The following RPAP2 variants were observed in gnomAD, a reference collection of about 807,000 sequenced individuals.
RPAP2 encodes the protein putative RNA polymerase II subunit B1 CTD phosphatase RPAP2.
In RPAP2, 52 loss-of-function variants were observed where a neutral mutation model predicts 73.1. The ratio of observed to expected loss-of-function variants is 0.71; its 90% confidence interval spans 0.57 to 0.90. The LOEUF (loss-of-function observed/expected upper bound fraction) is 0.90, where lower values mean the gene tolerates loss of function less well. Ranked by LOEUF, RPAP2 falls within the 40% of genes least tolerant of loss-of-function variation. The pLI is 0.00. For synonymous variants in RPAP2, 225 were observed against 242.1 expected (o/e 0.93, Z 0.65); for missense variants, 598 against 701.8 (o/e 0.85, Z 1.67).
At chr1:92,336,872 T>C (rs1376088056) in intron 10 of RPAP2, among the ~76,000 whole-genome samples, 2 of 152,092 alleles carry the variant, frequency 1.3e-5, no homozygotes, top group Non-Finnish European at 1.5e-5. Context: ...CAATTTAATA[T>C]TGAATTACAC....
intron 11 of RPAP2, among the ~76,000 whole-genome samples, chr1:92,373,670 C>T (rs1486129641): frequency 2.2e-5 from 3 of 137,224 alleles, no homozygotes; most frequent in Admixed American, 8.3e-5. Flanking sequence ...CCAGGGCAGG[C>T]GGATCACCTG....
At chr1:92,370,832 A>G (rs897535926) in intron 11 of RPAP2, among the ~76,000 whole-genome samples, 2 of 152,118 alleles carry the variant, frequency 1.3e-5, no homozygotes, top group Admixed American at 6.6e-5. Flanking sequence ...ATTCTCATTT[A>G]CCTAAAAAAA....
intron 6 of RPAP2, among the ~76,000 whole-genome samples, chr1:92,316,912 G>A (rs1247735489): frequency 2.0e-5 from 3 of 152,190 alleles, no homozygotes; most frequent in Non-Finnish European, 4.4e-5. Context: ...GATTGGGGAT[G>A]AGGGAAGGTA....
chr1:92,385,519 T>C (rs151127030), intron 12 of RPAP2, among the ~76,000 whole-genome samples: 110 of 152,322 alleles, frequency 7.2e-4, no homozygotes, highest in African/African-American at 2.5e-3. Flanking sequence ...GAAATGAAGA[T>C]GGTTGTGAGT....
chr1:92,384,694 C>A (rs185292479), intron 12 of RPAP2, among the ~76,000 whole-genome samples: 75 of 151,782 alleles, frequency 4.9e-4, no homozygotes, highest in South Asian at 8.3e-4. Flanking sequence ...TTCAAGTGAT[C>A]CTGCTACTCT....
chr1:92,302,780 T>G (rs1650956053), intron 3 of RPAP2, among the ~76,000 whole-genome samples: 1 of 151,818 alleles, frequency 6.6e-6, no homozygotes, highest in Non-Finnish European at 1.5e-5. Flanking sequence ...TTTTGTATTT[T>G]TAGTAGAGAT....
chr1:92,387,690 G>T lies in RPAP2; in HGVS notation c.*679G>T, dbSNP rs1655914135. The T allele has an allele frequency of 6.6e-6, 1 of 152,108 alleles. No individual in the cohort carries two copies. The highest frequency in any genetic ancestry group is 2.4e-5 in the African/African-American group (1 of 41,394). The allele number at this position is 152,108 out of a possible 1,614,324, so 9.4% of individuals were successfully genotyped here. On this transcript the variant is annotated 3_prime_UTR_variant, in exon 13 of 13. Transcript: ENST00000610020. ...ACTGGAAGGCCAAGAAAATACTCTTGGACACTGGAGGAAATGACAGCTACT... is the reference window on the plus strand; with the variant it reads ...ACTGGAAGGCCAAGAAAATACTCTTTGACACTGGAGGAAATGACAGCTACT...
In RPAP2 at chr1:92,323,885, C is replaced by T. The variant is rs373951559; in HGVS notation, c.965C>T (p.Ser322Leu). The change falls in exon 8 of 13, where the codon TCA becomes TTA. Residue 322 changes from serine (S) to leucine (L), a missense_variant. This residue lies in a region of RPAP2 where 506 missense variants were observed against 612.8 expected (regional missense o/e 0.83). Transcript: ENST00000610020. ...AATTCTGAAAGTGAATACAGTAGGTCAGAAATAACTCTAGTAGGCATAAGT... is the reference window on the plus strand; with the variant it reads ...AATTCTGAAAGTGAATACAGTAGGTTAGAAATAACTCTAGTAGGCATAAGT... Reference protein sequence around the residue: ...SENSESEYSRSEITLVGISKK... With the variant: ...SENSESEYSRLEITLVGISKK... The T allele has an allele frequency of 1.9e-6, 3 of 1,613,838 alleles. No homozygotes were observed. The African/African-American group carries it at 4.0e-5, about 22-fold the overall frequency.
chr1:92,384,791 T>C (rs1655795618), intron 12 of RPAP2, among the ~76,000 whole-genome samples: 2 of 152,014 alleles, frequency 1.3e-5, no homozygotes, highest in South Asian at 4.1e-4. Context: ...CCTTAAAGAA[T>C]ATGGAGAGGT....
intron 6 of RPAP2, among the ~76,000 whole-genome samples, chr1:92,309,127 A>G (rs1001912774): frequency 6.6e-6 from 1 of 151,786 alleles, no homozygotes; most frequent in Non-Finnish European, 1.5e-5. Context: ...ACCCTTCACT[A>G]CCTCACTAAA....
At chr1:92,356,582 C>T (rs28496012) in intron 11 of RPAP2, among the ~76,000 whole-genome samples, 3,816 of 76,424 alleles carry the variant, frequency 0.05, 117 homozygotes, top group African/African-American at 0.13. Flanking sequence ...CCACTCCTGG[C>T]TAATTTTTTT....
intron 4 of RPAP2, 35 bp from the exon 5 acceptor site, chr1:92,304,249 G>T: frequency 7.5e-7 from 1 of 1,336,402 alleles, no homozygotes; most frequent in Non-Finnish European, 1.1e-6. Context: ...TTTATTATTT[G>T]GATTCTTTTG....
At chr1:92,332,953 CAGAG>C (rs1205224742) in intron 8 of RPAP2, among the ~76,000 whole-genome samples, 1 of 152,034 alleles carries the variant, frequency 6.6e-6, no homozygotes, top group Non-Finnish European at 1.5e-5. Flanking sequence ...TTTCAGTTCT[CAGAG>C]AGAGAGTCGG....
At chr1:92,380,683 T>A in intron 11 of RPAP2, 41 bp from the exon 12 acceptor site, 1 of 1,456,508 alleles carries the variant, frequency 6.9e-7, no homozygotes. Flanking sequence ...TTTGCCCTTA[T>A]CATTTCATGG....
intron 11 of RPAP2, among the ~76,000 whole-genome samples, chr1:92,351,305 CAAAAAAAAAAA>C (rs60111119): frequency 1.2e-5 from 1 of 86,840 alleles, no homozygotes; most frequent in Non-Finnish European, 2.2e-5. Flanking sequence ...GACTCTGTCT[CAAAAAAAAAAA>C]AAAAAAAAAA....
intron 11 of RPAP2, among the ~76,000 whole-genome samples, chr1:92,356,470 T>C (rs1654467360): frequency 6.6e-6 from 1 of 151,952 alleles, no homozygotes; most frequent in South Asian, 2.1e-4. Flanking sequence ...CAGGCTGCAG[T>C]ACAGGTGACC....
At chr1:92,382,946 T>C (rs1473235300) in intron 12 of RPAP2, among the ~76,000 whole-genome samples, 2 of 152,216 alleles carry the variant, frequency 1.3e-5, no homozygotes, top group African/African-American at 2.4e-5. Flanking sequence ...AATTTTTGTA[T>C]AAGGTGTAAG....
chr1:92,357,820 C>G (rs552347406), intron 11 of RPAP2, among the ~76,000 whole-genome samples: 1 of 152,372 alleles, frequency 6.6e-6, no homozygotes, highest in South Asian at 2.1e-4. Context: ...GCGTGAGCCA[C>G]CATACCCTGC....
chr1:92,370,609 T>G (rs1243394124), intron 11 of RPAP2, among the ~76,000 whole-genome samples: 2 of 151,950 alleles, frequency 1.3e-5, no homozygotes, highest in Non-Finnish European at 2.9e-5. Flanking sequence ...TCTCCATCCT[T>G]CAAAATCATG....
Sources: gnomAD v4.1 joint callset for allele counts (sites outside exome capture counted in the v4.1 genomes callset) on GRCh38, gnomAD v4.1.1 for gene constraint, gnomAD v4.1.1 regional missense constraint, MANE v1.5 for transcripts, NCBI Gene and HGNC (gene_info 2026-07-23, HGNC 2026-07-21) for gene names.